The following MRPL43 variants were observed in gnomAD, a reference collection of about 807,000 sequenced individuals.
MRPL43 encodes large ribosomal subunit protein mL43.
In MRPL43, 9 loss-of-function variants were observed where a neutral mutation model predicts 12.7. That is an observed-to-expected ratio of 0.71 (90% CI 0.43 to 1.24). MRPL43 has a LOEUF of 1.24. MRPL43 is among the 50% of genes most tolerant of loss of function. MRPL43 has a pLI of 0.00. For missense variants in MRPL43, 211 were observed against 229.2 expected (o/e 0.92, Z 0.51); for synonymous variants, 116 against 96.4 (o/e 1.20, Z -1.19).
chr10:100,980,597 G>T (rs752382102), downstream of MRPL43: 1 of 1,614,156 alleles, frequency 6.2e-7, no homozygotes, highest in Admixed American at 1.7e-5. Flanking sequence ...GGATCCACAA[G>T]GCCGTAGTCC....
downstream of MRPL43, chr10:100,984,135 C>T (rs1851297775): frequency 1.2e-6 from 2 of 1,601,658 alleles, no homozygotes; most frequent in Non-Finnish European, 1.7e-6. Flanking sequence ...TGTCTGAGCC[C>T]AGCCTCCCAG....
At chr10:100,978,466 A>G (rs927520643), downstream of MRPL43, 10 of 1,594,798 alleles carry the variant, frequency 6.3e-6, no homozygotes, top group Admixed American at 1.0e-4. Flanking sequence ...GCCACCATGT[A>G]TATGTCATGT....
At chr10:100,979,710 C>A, downstream of MRPL43, 1 of 970,366 alleles carries the variant, frequency 1.0e-6, no homozygotes. Flanking sequence ...ATGCAGTGGT[C>A]CACTGACTCA....
chr10:100,983,299 C>G, downstream of MRPL43: 5 of 1,524,228 alleles, frequency 3.3e-6, no homozygotes, highest in Non-Finnish European at 4.4e-6. Flanking sequence ...CCCCCAAACC[C>G]CACAGGGCCA....
downstream of MRPL43, chr10:100,980,104 C>T: frequency 6.2e-7 from 1 of 1,613,946 alleles, no homozygotes; most frequent in Non-Finnish European, 8.5e-7. Context: ...GGTTCACCAC[C>T]TTCGTCCCCC....
downstream of MRPL43, chr10:100,980,802 C>G (rs1175319928): frequency 2.6e-6 from 4 of 1,533,434 alleles, no homozygotes; most frequent in Non-Finnish European, 3.5e-6. Flanking sequence ...TGCCGACCAA[C>G]TGTCCTATCT....
At chr10:100,980,788 A>T, downstream of MRPL43, 1 of 1,560,446 alleles carries the variant, frequency 6.4e-7, no homozygotes, top group Non-Finnish European at 8.6e-7. Flanking sequence ...ATGAGTGGGG[A>T]CGCTGCCGAC....
At chr10:100,980,732 A>T, downstream of MRPL43, 1 of 1,608,846 alleles carries the variant, frequency 6.2e-7, no homozygotes, top group South Asian at 1.1e-5. Context: ...GCCTTGCTGA[A>T]ATAGGAAGAG....
downstream of MRPL43, chr10:100,984,131 A>C: frequency 6.2e-7 from 1 of 1,604,920 alleles, no homozygotes; most frequent in South Asian, 1.1e-5. Flanking sequence ...GCTCTGTCTG[A>C]GCCCAGCCTC....
downstream of MRPL43, chr10:100,978,614 A>C: frequency 6.2e-7 from 1 of 1,614,032 alleles, no homozygotes; most frequent in Non-Finnish European, 8.5e-7. Flanking sequence ...CTGAGAACTG[A>C]GGAGACACCA....
At chr10:100,984,356 A>T, downstream of MRPL43, 3 of 1,444,442 alleles carry the variant, frequency 2.1e-6, no homozygotes, top group Middle Eastern at 2.5e-4. Context: ...TGCTCCTCAG[A>T]GGTAGGTGCT....
intron 1 of MRPL43, 55 bp downstream of exon 1, chr10:100,987,258 C>T (rs1049720420): frequency 6.2e-7 from 1 of 1,612,230 alleles, no homozygotes; most frequent in African/African-American, 1.3e-5. Flanking sequence ...CCCGGGGAGT[C>T]GTTGCCACCT....
chr10:100,979,403 A>G (rs748005541), downstream of MRPL43: 1 of 1,574,554 alleles, frequency 6.4e-7, no homozygotes, highest in East Asian at 2.3e-5. Flanking sequence ...TTTTTTTTTA[A>G]GAGGGAGTCT....
chr10:100,981,065 G>T, downstream of MRPL43: 1 of 1,598,702 alleles, frequency 6.3e-7, no homozygotes, highest in Non-Finnish European at 8.6e-7. Context: ...ATAGCTACTG[G>T]GGGAGTGCAG....
At chr10:100,980,738 A>C (rs1278304421), downstream of MRPL43, 1 of 1,608,092 alleles carries the variant, frequency 6.2e-7, no homozygotes, top group East Asian at 2.2e-5. Context: ...CTGAAATAGG[A>C]AGAGGGAGTG....
Position 100,986,971 on chromosome 10 carries a change from G to A in MRPL43, c.243C>T (p.Asn81=), listed in dbSNP as rs376762886. 16 of 1,606,128 alleles carry A rather than the reference G, an allele frequency of 1.0e-5. No individual in the cohort carries two copies. Among genetic ancestry groups the A allele is most frequent in the African/African-American group, 4.0e-5 (3 of 74,926 alleles). Residue 81 remains asparagine (N), a synonymous_variant, in exon 3 of 3, where the codon AAC becomes AAT. Transcript: ENST00000318364. ...GGATGCTCTCCTCGCGCACAGCCCC[G>A]TTAACTGGCAGAAGAGGGGTGAGAG... ...CVPRVVAEYL[N]GAVREESIHC... is the part of the protein sequence containing the mutation.
chr10:100,980,776 G>C, downstream of MRPL43: 1 of 1,587,132 alleles, frequency 6.3e-7, no homozygotes, highest in Non-Finnish European at 8.6e-7. Flanking sequence ...CTGTGTATCT[G>C]TATGAGTGGG....
At chr10:100,983,502 T>C, downstream of MRPL43, 1 of 1,614,184 alleles carries the variant, frequency 6.2e-7, no homozygotes, top group Non-Finnish European at 8.5e-7. Context: ...CAGTGGCAAC[T>C]ATGGCTGCTA....
downstream of MRPL43, among the ~76,000 whole-genome samples, chr10:100,982,736 G>A (rs1411476763): frequency 6.6e-6 from 1 of 152,222 alleles, no homozygotes; most frequent in Non-Finnish European, 1.5e-5. Flanking sequence ...AGGTTGCAGT[G>A]AGCTGAGATC....
Sources: allele counts gnomAD v4.1 joint callset (sites outside exome capture counted in the v4.1 genomes callset), GRCh38; gene constraint gnomAD v4.1.1; transcripts MANE v1.5; gene names NCBI Gene and HGNC (gene_info 2026-07-23, HGNC 2026-07-21).